The following ARFGEF1 variants were observed in gnomAD, a reference collection of about 807,000 sequenced individuals.
The protein encoded by ARFGEF1 is ARF guanine nucleotide exchange factor 1, also known as brefeldin A-inhibited guanine nucleotide-exchange protein 1.
In ARFGEF1, 42 loss-of-function variants were observed where a neutral mutation model predicts 231.0. That is an observed-to-expected ratio of 0.18 (90% CI 0.14 to 0.24). ARFGEF1 has a LOEUF of 0.24. Among genes scored for constraint, ARFGEF1 ranks in the 10% least tolerant of loss-of-function variants. The pLI is 1.00. For synonymous variants in ARFGEF1, 710 were observed against 732.3 expected (o/e 0.97, Z 0.49); for missense variants, 1,345 against 2,192.0 (o/e 0.61, Z 7.72).
chr8:67,293,122 G>A (rs1247581287), intron 5 of ARFGEF1, among the ~76,000 whole-genome samples: 1 of 152,120 alleles, frequency 6.6e-6, no homozygotes, highest in East Asian at 1.9e-4. Flanking sequence ...TGGAAGTTAA[G>A]TCGTCTGTAT....
Position 67,232,918 on chromosome 8 carries a change from A to C in ARFGEF1, c.3317T>G (p.Ile1106Arg). ...TCCAATGGATTCCTGAATACTTGCT[A>C]TCTGTTTCCAGTCCACATTTCCTCC... ...LVGGNVDWKQ[I>R]ASIQESIGET... The change falls in exon 23 of 39, where the codon ATA becomes AGA. Residue 1106 changes from isoleucine (I) to arginine (R), a missense_variant. Physicochemically the swap from Ile to Arg is moderately conservative, Grantham distance 97. Around this residue, in one of 14 missense-constraint regions of ARFGEF1, gnomAD observed 146 missense variants for 321.4 expected, o/e 0.45. Transcript: ENST00000262215. The C allele has an allele frequency of 6.2e-7, 1 of 1,611,358 alleles. No individual in the cohort carries two copies. The highest frequency in any genetic ancestry group is 8.5e-7 in the Non-Finnish European group (1 of 1,178,450).
intron 10 of ARFGEF1, 138 bp downstream of exon 10, chr8:67,271,564 T>C (rs978427693): frequency 2.0e-5 from 13 of 666,512 alleles, no homozygotes; most frequent in Non-Finnish European, 3.0e-5. Context: ...GTTGAACAGG[T>C]GAATGAAAAA....
At chr8:67,180,884 C>G (rs532666371) in intron 5 of ARFGEF1, among the ~76,000 whole-genome samples, 1 of 151,736 alleles carries the variant, frequency 6.6e-6, no homozygotes, top group Non-Finnish European at 1.5e-5. Context: ...TATACACTTA[C>G]GATTATGTAC....
intron 5 of ARFGEF1, chr8:67,190,587 T>C: frequency 8.0e-7 from 1 of 1,247,772 alleles, no homozygotes; most frequent in East Asian, 2.3e-5. Context: ...AGGCTCTTGG[T>C]TTAGCTCTGG....
chr8:67,217,675 TTC>T lies in ARFGEF1; in HGVS notation c.4613+105_4613+106del, dbSNP rs1332148086. The T allele has an allele frequency of 1.1e-4, 128 of 1,216,270 alleles. 1 individual carries two copies. In the Admixed American group the frequency reaches 2.7e-3, roughly 26 times the overall value. 75.3% of individuals were successfully genotyped at this position (1,216,270 alleles called of 1,614,324 possible). A position where few individuals can be genotyped will look rare whatever the true frequency, so the allele number is the denominator to read the frequency against. ...AAGAGTAAGACAAGCTTAAAAGGAT[TTC>T]TGTTATGAGAAATCAGTAGTCACTA... On this transcript the variant is annotated intron_variant, in intron 32 of 38. Coordinates refer to ENST00000262215, the MANE Select transcript of ARFGEF1 (RefSeq NM_006421.5).
intron 8 of ARFGEF1, among the ~76,000 whole-genome samples, chr8:67,276,816 A>AC (rs1483167675): frequency 6.6e-6 from 1 of 152,152 alleles, no homozygotes; most frequent in Non-Finnish European, 1.5e-5. Flanking sequence ...TCTGCATTAT[A>AC]CCGAATGAGC....
At chr8:67,191,537 T>C (rs533222868) in intron 5 of ARFGEF1, among the ~76,000 whole-genome samples, 1 of 152,366 alleles carries the variant, frequency 6.6e-6, no homozygotes, top group South Asian at 2.1e-4. Flanking sequence ...ATACACTGTA[T>C]GATTATTTGT....
intron 34 of ARFGEF1, among the ~76,000 whole-genome samples, 189 bp downstream of exon 34, chr8:67,211,294 C>T (rs1445340328): frequency 1.4e-5 from 2 of 139,156 alleles, no homozygotes; most frequent in South Asian, 2.2e-4. Context: ...CAGTGAGCTA[C>T]GATGGCGTGC....
chr8:67,175,718 G>C (rs985372266), intron 5 of ARFGEF1: 14 of 525,258 alleles, frequency 2.7e-5, no homozygotes, highest in African/African-American at 2.5e-4. Flanking sequence ...TCTGCATCAG[G>C]AACTAGGAAC....
Position 67,267,180 on chromosome 8 carries a change from C to T in ARFGEF1, c.1723G>A (p.Ala575Thr). 1 of 1,613,252 alleles carries T rather than the reference C, an allele frequency of 6.2e-7. No homozygotes were observed. Among genetic ancestry groups the T allele is most frequent in the South Asian group, 1.1e-5 (1 of 91,022 alleles). The stretch of plus-strand genomic sequence containing the variant: ...ACTAGTCTTTCAAATATATTGGCTG[C>T]ATTTAAGTCACAGTCATAGTTTACA... Reference protein sequence around the residue: ...IYVNYDCDLNAANIFERLVND... With the variant: ...IYVNYDCDLNTANIFERLVND... The change falls in exon 12 of 39, where the codon GCA becomes ACA. Residue 575 changes from alanine to threonine, a missense_variant. By Grantham distance (58) the Ala-to-Thr change is moderately conservative. Transcript: ENST00000262215.
At chr8:67,229,404 A>T (rs1186780872) in intron 23 of ARFGEF1, among the ~76,000 whole-genome samples, 2 of 152,018 alleles carry the variant, frequency 1.3e-5, no homozygotes, top group Non-Finnish European at 2.9e-5. Context: ...TTTTAACCCT[A>T]GTGTCCTTGC....
chr8:67,285,159 G>A (rs962486882), intron 7 of ARFGEF1, among the ~76,000 whole-genome samples: 4 of 152,100 alleles, frequency 2.6e-5, no homozygotes, highest in Admixed American at 6.5e-5. Flanking sequence ...TGAATGTTAA[G>A]AATTAGAAAA....
At chr8:67,267,961 T>C (rs1323499909) in intron 10 of ARFGEF1, among the ~76,000 whole-genome samples, 1 of 152,188 alleles carries the variant, frequency 6.6e-6, no homozygotes, top group African/African-American at 2.4e-5. Context: ...TCTCTACTGT[T>C]TGAAAACTAC....
intron 5 of ARFGEF1, among the ~76,000 whole-genome samples, chr8:67,293,167 C>G (rs1318855252): frequency 6.6e-6 from 1 of 152,134 alleles, no homozygotes; most frequent in Non-Finnish European, 1.5e-5. Context: ...CTCTTTTCCA[C>G]CTTTTCTATA....
intron 5 of ARFGEF1, chr8:67,190,635 T>C: frequency 6.3e-7 from 1 of 1,596,382 alleles, no homozygotes; most frequent in Non-Finnish European, 8.6e-7. Context: ...CTTCTGCTTT[T>C]CGGGGTCCTC....
At chr8:67,247,181 G>A (rs1312864206) in intron 19 of ARFGEF1, among the ~76,000 whole-genome samples, 4 of 149,724 alleles carry the variant, frequency 2.7e-5, no homozygotes, top group Admixed American at 6.7e-5. Context: ...GAACTAATAC[G>A]AATCCTATTC....
In ARFGEF1 at chr8:67,296,626, A is replaced by AT. The variant is rs768767295; in HGVS notation, c.460-17_460-16insA. 4 of 1,562,476 alleles carry AT rather than the reference A, an allele frequency of 2.6e-6. No homozygotes were observed. The South Asian group carries it at 4.8e-5, about 19-fold the overall frequency. ...TAAGTAAAGCCTTTAAGAAAAAAAA[A>AT]GGAAAAAGTTAAAGAGATTTTCTTT... On this transcript the variant is annotated splice_polypyrimidine_tract_variant and intron_variant, in intron 4 of 38. Coordinates refer to ENST00000262215, the MANE Select transcript of ARFGEF1 (RefSeq NM_006421.5).
At chr8:67,182,689 G>C (rs180809652) in intron 5 of ARFGEF1, among the ~76,000 whole-genome samples, 1 of 152,254 alleles carries the variant, frequency 6.6e-6, no homozygotes, top group Admixed American at 6.5e-5. Flanking sequence ...CGGGTGTGAC[G>C]TGGCATCTCA....
intron 1 of ARFGEF1, among the ~76,000 whole-genome samples, chr8:67,323,991 C>T (rs1807713345): frequency 1.3e-5 from 2 of 152,016 alleles, no homozygotes; most frequent in South Asian, 2.1e-4. Flanking sequence ...TTACTAGAGA[C>T]GGGGTTTCAC....
Sources: allele counts gnomAD v4.1 joint callset (sites outside exome capture counted in the v4.1 genomes callset), GRCh38; gene constraint gnomAD v4.1.1; regional missense constraint gnomAD v4.1.1; transcripts MANE v1.5; gene names NCBI Gene and HGNC (gene_info 2026-07-23, HGNC 2026-07-21).